ARMC9: variants seen among roughly 807,000 people sequenced by gnomAD.
ARMC9 encodes lisH domain-containing protein ARMC9.
ARMC9 carries 94 observed loss-of-function variants against 107.0 expected under a neutral mutation model. The ratio of observed to expected loss-of-function variants is 0.88; its 90% confidence interval spans 0.74 to 1.04. The LOEUF is 1.04. Ranked by LOEUF, ARMC9 falls within the 50% of genes least tolerant of loss-of-function variation. ARMC9 has a pLI of 0.00. For missense variants in ARMC9, 942 were observed against 1,030.1 expected, an observed-to-expected ratio of 0.91 and a Z score of 1.17; for synonymous variants, 380 against 396.9, an observed-to-expected ratio of 0.96 and a Z score of 0.51.
chr2:231,307,958 C>T (rs2042124153), intron 19 of ARMC9, among the ~76,000 whole-genome samples: 2 of 152,230 alleles, frequency 1.3e-5, no homozygotes, highest in Non-Finnish European at 2.9e-5. Flanking sequence ...AGCCAAGGCA[C>T]CAGCCTGATG....
chr2:231,324,408 C>T (rs1308030545), intron 19 of ARMC9, among the ~76,000 whole-genome samples: 5 of 149,276 alleles, frequency 3.3e-5, no homozygotes, highest in Non-Finnish European at 7.4e-5. Context: ...TTATAGGCCA[C>T]GCGGCCTATA....
chr2:231,239,985 A>C lies in ARMC9; in HGVS notation c.823A>C (p.Ser275Arg), dbSNP rs201015764. The C allele has an allele frequency of 6.2e-7, 1 of 1,614,034 alleles. No individual in the cohort carries two copies. Among genetic ancestry groups the C allele is most frequent in the Non-Finnish European group, 8.5e-7 (1 of 1,179,930 alleles). The part of the protein sequence containing the change: ...YLQSVCVRLF[S>R]NQMRQSLAHS... ...CCAGAGCGTCTGTGTCCGCCTGTTC[A>C]GTAACCAGATGCGGCAGAGCCTGGC... Residue 275 changes from serine (S) to arginine (R), a missense_variant, in exon 9 of 25, where the codon AGT (serine) becomes CGT (arginine). Coordinates refer to ENST00000611582, the MANE Select transcript of ARMC9 (RefSeq NM_001352754.2).
chr2:231,253,570 T>C (rs1199969446), intron 9 of ARMC9, among the ~76,000 whole-genome samples: 1 of 152,256 alleles, frequency 6.6e-6, no homozygotes, highest in African/African-American at 2.4e-5. Flanking sequence ...AAAAATGTTA[T>C]GGACCAGAGT....
intron 5 of ARMC9, among the ~76,000 whole-genome samples, chr2:231,218,337 A>G (rs1270396491): frequency 6.6e-6 from 1 of 152,202 alleles, no homozygotes; most frequent in Admixed American, 6.5e-5. Flanking sequence ...GTCTTCGAGG[A>G]TAAAACAAAG....
At position 231,373,541 on chromosome 2, in the gene ARMC9, G is replaced by A. The variant is rs1413094817; in HGVS notation, c.*2006G>A. 1.3e-5 allele frequency: 2 copies of A among 152,124 alleles called. No homozygotes were observed. Among genetic ancestry groups the A allele is most frequent in the South Asian group, 2.1e-4 (1 of 4,818 alleles). 9.4% of individuals were successfully genotyped at this position (152,124 alleles called of 1,614,324 possible). ...AAAGTCTGATCTGTAGATGTCTGAT[G>A]GTTTGAGGAGAAGAAAAGATAGTCT... On this transcript the variant is annotated 3_prime_UTR_variant, in exon 25 of 25. Transcript: ENST00000611582. The surrounding 1 kb of genome is among the most constrained non-coding windows in gnomAD (Gnocchi z 4.4).
chr2:231,366,388 A>C (rs2045818148), intron 23 of ARMC9, among the ~76,000 whole-genome samples: 1 of 152,166 alleles, frequency 6.6e-6, no homozygotes, highest in South Asian at 2.1e-4. Context: ...TGGCCCAGCC[A>C]AATTGACACA....
rs151264678 is a variant in ARMC9 at position 231,297,481 on chromosome 2, T to G, written c.1773+1228T>G. ...GGGCTTGCAGGCCACACAGTCTCTG[T>G]TCCAACCACTCAATTCTGCCATTGT... is the stretch of plus-strand genomic sequence containing the variant. On this transcript the variant is annotated intron_variant, in intron 19 of 24. Transcript: ENST00000611582. The surrounding 1 kb of genome is among the most constrained non-coding windows in gnomAD (Gnocchi z 4.2). 1.6e-4 allele frequency among the ~76,000 whole-genome samples: 25 copies of G among 152,328 alleles called. No homozygotes were observed. Among genetic ancestry groups the G allele is most frequent in the African/African-American group, 6.0e-4 (25 of 41,580 alleles).
At chr2:231,366,207 G>A (rs997259680) in intron 23 of ARMC9, among the ~76,000 whole-genome samples, 1 of 152,126 alleles carries the variant, frequency 6.6e-6, no homozygotes, top group Non-Finnish European at 1.5e-5. Context: ...TTCTTGCTCA[G>A]GGAATATCAG....
intron 21 of ARMC9, among the ~76,000 whole-genome samples, chr2:231,351,862 C>G (rs1244186661): frequency 1.3e-5 from 2 of 152,236 alleles, no homozygotes; most frequent in East Asian, 3.9e-4. Context: ...CCTTCACCAC[C>G]AGCACCCTCT....
At chr2:231,350,590 C>G (rs575177562) in intron 21 of ARMC9, among the ~76,000 whole-genome samples, 11 of 149,846 alleles carry the variant, frequency 7.3e-5, no homozygotes, top group Admixed American at 2.0e-4. Context: ...CCACTGCTCT[C>G]CAGCCTGGGC....
At chr2:231,309,887 A>G (rs1384373003) in intron 19 of ARMC9, among the ~76,000 whole-genome samples, 1 of 152,150 alleles carries the variant, frequency 6.6e-6, no homozygotes, top group East Asian at 1.9e-4. Context: ...CTTGGTTTTA[A>G]GAGCTCAGGG....
At chr2:231,277,103 C>T (rs895557720) in intron 15 of ARMC9, among the ~76,000 whole-genome samples, 1 of 152,070 alleles carries the variant, frequency 6.6e-6, no homozygotes, top group Non-Finnish European at 1.5e-5. Context: ...AAGTGTGTTC[C>T]CAAGATACTA....
chr2:231,209,179 A>G (rs1324172771), intron 3 of ARMC9, among the ~76,000 whole-genome samples: 1 of 152,140 alleles, frequency 6.6e-6, no homozygotes, highest in Non-Finnish European at 1.5e-5. Context: ...CTGAGGTTAC[A>G]GATGTGAGCC....
At chr2:231,256,557 T>C (rs1053897537) in intron 9 of ARMC9, 29 bp from the exon 10 acceptor site, 3 of 1,612,190 alleles carry the variant, frequency 1.9e-6, no homozygotes, top group Non-Finnish European at 2.5e-6. Flanking sequence ...TTTAACACCA[T>C]CTGTTTTCTT....
chr2:231,320,713 T>C (rs2042950420), intron 19 of ARMC9, among the ~76,000 whole-genome samples: 1 of 152,192 alleles, frequency 6.6e-6, no homozygotes, highest in African/African-American at 2.4e-5. Flanking sequence ...CCTGTCTTAA[T>C]CCCTGGTAGG....
chr2:231,258,912 G>T, intron 10 of ARMC9, 79 bp from the exon 11 acceptor site: 2 of 1,276,962 alleles, frequency 1.6e-6, no homozygotes, highest in Non-Finnish European at 2.3e-6. Context: ...CTCTAGCTTG[G>T]GTGTCATAAT....
chr2:231,248,573 C>A (rs902440851), intron 9 of ARMC9, among the ~76,000 whole-genome samples: 113 of 152,132 alleles, frequency 7.4e-4, no homozygotes, highest in African/African-American at 2.6e-3. Context: ...CTTTGGGAGG[C>A]CGAGGCGGGC....
At chr2:231,332,045 C>A in intron 20 of ARMC9, 148 bp downstream of exon 20, 1 of 669,692 alleles carries the variant, frequency 1.5e-6, no homozygotes. Context: ...AGTCTGCTCT[C>A]AGTGGCCCTG....
At chr2:231,228,814 G>A (rs1487761463) in intron 7 of ARMC9, among the ~76,000 whole-genome samples, 2 of 152,048 alleles carry the variant, frequency 1.3e-5, no homozygotes, top group Non-Finnish European at 1.5e-5. Context: ...TGGACCCCCA[G>A]GCAATGGGGG....
Sources: gnomAD v4.1 joint callset for allele counts (sites outside exome capture counted in the v4.1 genomes callset) on GRCh38, gnomAD v4.1.1 for gene constraint, Gnocchi (gnomAD v3.1) non-coding constraint, MANE v1.5 for transcripts, NCBI Gene and HGNC (gene_info 2026-07-23, HGNC 2026-07-21) for gene names.